The following KLHL1 variants were observed in gnomAD, a reference collection of about 807,000 sequenced individuals.
The protein encoded by KLHL1 is kelch like family member 1.
A neutral mutation model predicts 77.7 loss-of-function variants in KLHL1; 47 were observed. The ratio of observed to expected loss-of-function variants is 0.60; its 90% CI spans 0.48 to 0.77. KLHL1 has a LOEUF of 0.77. Ranked by LOEUF, KLHL1 falls within the 30% of genes least tolerant of loss-of-function variation. The pLI is 0.00. For synonymous variants in KLHL1, 360 were observed against 325.2 expected (o/e 1.11, Z -1.15); for missense variants, 925 against 910.8 (o/e 1.02, Z -0.20).
chr13:69,878,620 C>T (rs115097131), intron 5 of KLHL1, among the ~76,000 whole-genome samples: 2 of 151,634 alleles, frequency 1.3e-5, no homozygotes, highest in Non-Finnish European at 2.9e-5. Flanking sequence ...ATATGTTACA[C>T]TATATGTAAC....
intron 6 of KLHL1, among the ~76,000 whole-genome samples, chr13:69,836,278 C>T (rs1047403875): frequency 6.6e-6 from 1 of 152,096 alleles, no homozygotes; most frequent in African/African-American, 2.4e-5. Flanking sequence ...AGACTCCTGT[C>T]CCTCAGAAAA....
At chr13:70,020,176 G>A (rs1223376936) in intron 1 of KLHL1, among the ~76,000 whole-genome samples, 2 of 151,918 alleles carry the variant, frequency 1.3e-5, no homozygotes, top group African/African-American at 4.8e-5. Context: ...TAGGATAAAT[G>A]GACAAAAAGA....
At chr13:69,905,335 AT>A (rs1593936338) in intron 4 of KLHL1, among the ~76,000 whole-genome samples, 1 of 152,118 alleles carries the variant, frequency 6.6e-6, no homozygotes, top group African/African-American at 2.4e-5. Context: ...ATTTTTAAAA[AT>A]TGTATGTCAA....
Position 69,882,465 on chromosome 13 carries a change from C to A in KLHL1, c.1045G>T (p.Glu349Ter). The A allele has an allele frequency of 1.2e-6, 2 of 1,613,418 alleles. No homozygotes were observed. The highest frequency in any genetic ancestry group is 1.7e-6 in the Non-Finnish European group (2 of 1,179,408). The change falls in exon 5 of 11, where the codon GAG (glutamate) becomes TAG (stop). Residue 349 changes from glutamate (E) to a stop codon, truncating the protein, a stop_gained. Transcript: ENST00000377844. LOFTEE classifies it high-confidence loss of function. ...ENIMEVIRNQEFLLLPAEELH... is the reference protein window; with the variant it reads ...ENIMEVIRNQ Reference sequence around the variant, plus strand: ...TCCTCAGCTGGAAGGAGTAAAAACTCTTGATTTCTGATAACTTCCATTATG... The same window carrying A: ...TCCTCAGCTGGAAGGAGTAAAAACTATTGATTTCTGATAACTTCCATTATG...
At chr13:69,773,147 A>G (rs1875656144) in intron 7 of KLHL1, among the ~76,000 whole-genome samples, 1 of 151,738 alleles carries the variant, frequency 6.6e-6, no homozygotes, top group Admixed American at 6.6e-5. Context: ...GTACATGCAT[A>G]ATAGATATAT....
intron 1 of KLHL1, among the ~76,000 whole-genome samples, chr13:70,047,868 G>C (rs1886540379): frequency 6.6e-6 from 1 of 152,162 alleles, no homozygotes; most frequent in African/African-American, 2.4e-5. Context: ...TACATATAAA[G>C]GGGGAAGTGC....
chr13:69,749,215 T>C (rs1398570251), intron 7 of KLHL1, among the ~76,000 whole-genome samples: 3 of 152,024 alleles, frequency 2.0e-5, no homozygotes. Context: ...TAATGGTTAC[T>C]AAAAATATCT....
At chr13:70,100,461 T>C (rs574594145) in intron 1 of KLHL1, among the ~76,000 whole-genome samples, 1 of 152,256 alleles carries the variant, frequency 6.6e-6, no homozygotes, top group East Asian at 1.9e-4. Context: ...GTTTTATTTC[T>C]TCATTTTTAC....
chr13:69,998,490 T>C (rs748032299), intron 1 of KLHL1, among the ~76,000 whole-genome samples: 6 of 152,040 alleles, frequency 3.9e-5, no homozygotes, highest in Non-Finnish European at 7.4e-5. Context: ...TCTTAGAATA[T>C]GTACATCCGC....
intron 4 of KLHL1, among the ~76,000 whole-genome samples, chr13:69,924,727 G>C (rs753451438): frequency 6.6e-6 from 1 of 152,200 alleles, no homozygotes; most frequent in African/African-American, 2.4e-5. Flanking sequence ...ACAAGAAGGA[G>C]AGAAGAGCAG....
chr13:69,759,862 C>A (rs148842848), intron 7 of KLHL1, among the ~76,000 whole-genome samples: 1 of 152,078 alleles, frequency 6.6e-6, no homozygotes, highest in African/African-American at 2.4e-5. Context: ...GACAAGATTG[C>A]CAGGCAAAGC....
chr13:69,821,666 A>T (rs767023737), intron 6 of KLHL1, among the ~76,000 whole-genome samples: 1 of 152,044 alleles, frequency 6.6e-6, no homozygotes, highest in African/African-American at 2.4e-5. Flanking sequence ...AATTAATTAC[A>T]TTTTCAGATA....
intron 1 of KLHL1, among the ~76,000 whole-genome samples, chr13:70,081,227 T>G (rs1006563845): frequency 5.9e-5 from 9 of 152,180 alleles, no homozygotes; most frequent in Non-Finnish European, 1.2e-4. Context: ...TACCACTGGC[T>G]CATTAACTTT....
intron 5 of KLHL1, among the ~76,000 whole-genome samples, chr13:69,850,239 A>G (rs1443293689): frequency 1.3e-5 from 2 of 151,526 alleles, no homozygotes; most frequent in Non-Finnish European, 3.0e-5. Flanking sequence ...TTTGTCTTCT[A>G]TTTTTATTGA....
At chr13:69,802,749 C>T (rs1467075524) in intron 6 of KLHL1, among the ~76,000 whole-genome samples, 2 of 152,018 alleles carry the variant, frequency 1.3e-5, no homozygotes, top group South Asian at 2.1e-4. Context: ...GTTGTGAGCC[C>T]TTAAAAAGGA....
chr13:70,029,485 T>C (rs1004258682), intron 1 of KLHL1, among the ~76,000 whole-genome samples: 1 of 152,112 alleles, frequency 6.6e-6, no homozygotes, highest in Non-Finnish European at 1.5e-5. Context: ...AACCAAGAAT[T>C]TCATATCCAG....
intron 1 of KLHL1, among the ~76,000 whole-genome samples, chr13:70,054,628 T>C (rs901224210): frequency 2.9e-4 from 44 of 152,050 alleles, no homozygotes; most frequent in African/African-American, 1.0e-3. Flanking sequence ...ACAGAGAGTT[T>C]AAAATAGCTA....
intron 5 of KLHL1, among the ~76,000 whole-genome samples, chr13:69,855,345 T>TAGAC (rs1222247998): frequency 6.9e-5 from 5 of 72,358 alleles, no homozygotes; most frequent in South Asian, 4.0e-4. Flanking sequence ...GATAGATAGA[T>TAGAC]AGACAGACAG....
At chr13:69,820,047 T>C (rs1878272175) in intron 6 of KLHL1, among the ~76,000 whole-genome samples, 1 of 152,156 alleles carries the variant, frequency 6.6e-6, no homozygotes. Context: ...GATTCTCCTT[T>C]AGCCAAATCA....
Sources: allele counts gnomAD v4.1 joint callset (sites outside exome capture counted in the v4.1 genomes callset), GRCh38; gene constraint gnomAD v4.1.1; transcripts MANE v1.5; gene names NCBI Gene and HGNC (gene_info 2026-07-23, HGNC 2026-07-21).